The following TTLL5 variants were observed in gnomAD, a reference collection of about 807,000 sequenced individuals.
TTLL5 encodes the protein tubulin polyglutamylase TTLL5.
A neutral mutation model predicts 168.4 loss-of-function variants in TTLL5; 132 were observed. The ratio of observed to expected loss-of-function variants is 0.78; its 90% CI spans 0.68 to 0.91. TTLL5 has a LOEUF of 0.91. Among genes scored for constraint, TTLL5 ranks in the 40% least tolerant of loss-of-function variants. The probability of loss-of-function intolerance (pLI) is 0.00; values close to 1 mark genes in which losing one functional copy is unlikely to be tolerated. For synonymous variants in TTLL5, 546 were observed against 558.6 expected, an observed-to-expected ratio of 0.98 and a Z score of 0.32; for missense variants, 1,545 against 1,581.5, an observed-to-expected ratio of 0.98 and a Z score of 0.39.
intron 27 of TTLL5, among the ~76,000 whole-genome samples, chr14:75,807,587 T>G (rs535205052): frequency 6.6e-6 from 1 of 152,348 alleles, no homozygotes; most frequent in African/African-American, 2.4e-5. Context: ...AGGTACTTAC[T>G]TTTTGCCAAT....
Position 75,745,567 on chromosome 14 carries a change from A to G in TTLL5, c.1473A>G (p.Thr491=), listed in dbSNP as rs562239998. 1.9e-6 allele frequency: 3 copies of G among 1,613,818 alleles called. No homozygotes were observed. The highest frequency in any genetic ancestry group is 1.1e-5 in the South Asian group (1 of 91,064). Reference sequence around the variant, plus strand: ...TTCGCATATTTCCTACATCTGAGACATGGGAAATATATGGGTGAGGTGACT... The same window carrying G: ...TTCGCATATTTCCTACATCTGAGACGTGGGAAATATATGGGTGAGGTGACT... The part of the protein sequence containing the change: ...GFIRIFPTSE[T]WEIYGSYLEH... Residue 491 remains threonine (T), a synonymous_variant, in exon 17 of 32, where the codon ACA becomes ACG. Transcript: ENST00000298832.
intron 7 of TTLL5, among the ~76,000 whole-genome samples, chr14:75,700,379 C>A (rs1373877941): frequency 2.6e-5 from 4 of 152,142 alleles, no homozygotes; most frequent in Admixed American, 2.6e-4. Flanking sequence ...CAAGCATGTG[C>A]CCTAAGAAGC....
intron 31 of TTLL5, among the ~76,000 whole-genome samples, chr14:75,918,305 T>C (rs572388343): frequency 6.6e-6 from 1 of 152,288 alleles, no homozygotes; most frequent in South Asian, 2.1e-4. Context: ...CTGGGCTCTT[T>C]TATTGAGGAA....
chr14:75,776,013 G>A (rs1176045869), intron 22 of TTLL5, among the ~76,000 whole-genome samples: 3 of 152,128 alleles, frequency 2.0e-5, no homozygotes, highest in African/African-American at 4.8e-5. Context: ...TTTCTTGAAC[G>A]AGTTATACTT....
chr14:75,784,408 CGTT>C (rs1304053418), intron 26 of TTLL5, among the ~76,000 whole-genome samples: 1 of 152,160 alleles, frequency 6.6e-6, no homozygotes, highest in Non-Finnish European at 1.5e-5. Context: ...GGTTCATCCA[CGTT>C]GTAGTAGGAA....
chr14:75,733,393 G>A (rs554299828), intron 13 of TTLL5, among the ~76,000 whole-genome samples: 3 of 152,086 alleles, frequency 2.0e-5, no homozygotes, highest in Non-Finnish European at 1.5e-5. Context: ...GCTTTTGGTC[G>A]ATGTTGTTTT....
chr14:75,925,457 G>T (rs1222699242), intron 31 of TTLL5, among the ~76,000 whole-genome samples: 9 of 146,872 alleles, frequency 6.1e-5, no homozygotes, highest in Non-Finnish European at 1.2e-4. Context: ...CAGACGGGGC[G>T]GCGGGGCAGA....
chr14:75,706,926 C>T lies in TTLL5; in HGVS notation c.586-92C>T. Reference sequence around the variant, plus strand: ...CCAGAATTTTAGTTTTCCACCTTACCATTTCTTTAAAGGTTAAGAACTTTG... The same window carrying T: ...CCAGAATTTTAGTTTTCCACCTTACTATTTCTTTAAAGGTTAAGAACTTTG... On this transcript the variant is annotated intron_variant, in intron 7 of 31. Coordinates refer to ENST00000298832, the MANE Select transcript of TTLL5 (RefSeq NM_015072.5). 4 of 1,114,198 alleles carry T rather than the reference C, an allele frequency of 3.6e-6. No individual in the cohort carries two copies. In the South Asian group the frequency reaches 4.1e-5, roughly 12 times the overall value. 69.0% of individuals were successfully genotyped at this position (1,114,198 alleles called of 1,614,324 possible).
intron 29 of TTLL5, among the ~76,000 whole-genome samples, chr14:75,880,744 G>C (rs2031763802): frequency 6.6e-6 from 1 of 152,192 alleles, no homozygotes; most frequent in Non-Finnish European, 1.5e-5. Context: ...CCCTGTCCCA[G>C]AAGGCTGCCT....
At chr14:75,895,796 A>G (rs1240898155) in intron 30 of TTLL5, among the ~76,000 whole-genome samples, 3 of 152,192 alleles carry the variant, frequency 2.0e-5, no homozygotes, top group Non-Finnish European at 4.4e-5. Context: ...ATTAAAATAT[A>G]GAAAGGAAAA....
chr14:75,726,424 A>G (rs1162518214), intron 12 of TTLL5, among the ~76,000 whole-genome samples: 1 of 152,148 alleles, frequency 6.6e-6, no homozygotes, highest in Non-Finnish European at 1.5e-5. Flanking sequence ...TTTTTCATTC[A>G]GTATTTCTGA....
intron 23 of TTLL5, 106 bp downstream of exon 23, chr14:75,776,956 C>A: frequency 1.1e-6 from 1 of 943,552 alleles, no homozygotes; most frequent in Non-Finnish European, 1.6e-6. Context: ...TGAATGAAAT[C>A]ACTCTTAAAG....
chr14:75,869,821 A>ATTTTTTTTTTTTTTTTTTTTTTTTTT (rs10658095), intron 29 of TTLL5, among the ~76,000 whole-genome samples: 1 of 82,416 alleles, frequency 1.2e-5, no homozygotes, highest in Admixed American at 1.9e-4. Context: ...TTCAACAAGT[A>ATTTTTTTTTTTTTTTTTTTTTTTTTT]TTTTTTTTTT....
At chr14:75,838,678 G>A (rs556283968) in intron 28 of TTLL5, 1 of 152,282 alleles carries the variant, frequency 6.6e-6, no homozygotes, top group Non-Finnish European at 1.5e-5. Context: ...CCAGGTATAA[G>A]CAGCAGCTTT....
At chr14:75,952,906 TGG>T (rs2140225854) in intron 31 of TTLL5, among the ~76,000 whole-genome samples, 1 of 152,276 alleles carries the variant, frequency 6.6e-6, no homozygotes, top group African/African-American at 2.4e-5. Flanking sequence ...GGTTTATTTT[TGG>T]GGTCATCAAA....
intron 18 of TTLL5, among the ~76,000 whole-genome samples, chr14:75,755,420 A>G (rs1161799456): frequency 6.6e-6 from 1 of 151,992 alleles, no homozygotes; most frequent in Non-Finnish European, 1.5e-5. Context: ...ATACATCCAT[A>G]TTCTTACAAA....
At chr14:75,834,099 G>C (rs1183580175) in intron 28 of TTLL5, among the ~76,000 whole-genome samples, 21 of 152,204 alleles carry the variant, frequency 1.4e-4, no homozygotes, top group Admixed American at 1.4e-3. Context: ...TGAAGAATAA[G>C]TCACAGTACA....
intron 28 of TTLL5, among the ~76,000 whole-genome samples, chr14:75,841,346 A>G (rs1896231970): frequency 6.6e-6 from 1 of 152,322 alleles, no homozygotes; most frequent in Admixed American, 6.5e-5. Context: ...ACACCCACAC[A>G]AACACACATA....
chr14:75,682,469 A>G (rs1301297487), intron 4 of TTLL5, among the ~76,000 whole-genome samples: 1 of 152,106 alleles, frequency 6.6e-6, no homozygotes, highest in Non-Finnish European at 1.5e-5. Flanking sequence ...GACTCCATTC[A>G]TTGTCCTTTT....
Sources: allele counts gnomAD v4.1 joint callset (sites outside exome capture counted in the v4.1 genomes callset), GRCh38; gene constraint gnomAD v4.1.1; transcripts MANE v1.5; gene names NCBI Gene and HGNC (gene_info 2026-07-23, HGNC 2026-07-21).